Variants in IDH3A observed in about 807,000 individuals in gnomAD.
IDH3A encodes the protein isocitrate dehydrogenase [NAD] subunit alpha, mitochondrial.
In IDH3A, 23 loss-of-function variants were observed where a neutral mutation model predicts 43.3. That is an observed-to-expected ratio of 0.53 (90% CI 0.38 to 0.75). The LOEUF (loss-of-function observed/expected upper bound fraction) is 0.75. IDH3A is among the 30% of genes least tolerant of loss of function. The pLI is 0.00. For synonymous variants in IDH3A, 154 were observed against 163.5 expected (o/e 0.94, Z 0.44); for missense variants, 329 against 474.4 (o/e 0.69, Z 2.85).
intron 2 of IDH3A, chr15:78,156,838 A>G (rs764423499): frequency 5.0e-5 from 61 of 1,208,642 alleles, no homozygotes; most frequent in Non-Finnish European, 6.6e-5. Flanking sequence ...TATAAAAACA[A>G]TAATTGTCAT....
At chr15:78,153,862 TACA>T (rs796987340) in intron 1 of IDH3A, among the ~76,000 whole-genome samples, 45 of 152,112 alleles carry the variant, frequency 3.0e-4, no homozygotes, top group African/African-American at 1.1e-3. Context: ...CTACTAAAAA[TACA>T]ACAAGATTAG....
In IDH3A at chr15:78,161,889, T is replaced by G; in HGVS notation, c.477+121T>G. On this transcript the variant is annotated intron_variant, in intron 5 of 10. Transcript: ENST00000299518. The surrounding 1 kb of genome is among the most constrained non-coding windows in gnomAD (Gnocchi z 4.8). ...TGTGGGTGTTTGTCTTGGTGCTGGG[T>G]GTCTGGCTGACAGTACTCAAACAAA... 1.1e-6 allele frequency: 1 copy of G among 877,428 alleles called. No homozygotes were observed. Among genetic ancestry groups the G allele is most frequent in the Non-Finnish European group, 1.8e-6 (1 of 553,050 alleles). 54.4% of individuals were successfully genotyped at this position (877,428 alleles called of 1,614,324 possible).
At position 78,163,584 on chromosome 15, in the gene IDH3A, T is replaced by A; in HGVS notation, c.689T>A (p.Met230Lys). ...TGTAAAGATATTAAATTTAATGAGA[T>A]GTACCTTGATACAGTATGTTTGAAT... Reference protein sequence around the residue: ...ESCKDIKFNEMYLDTVCLNMV... With the variant: ...ESCKDIKFNEKYLDTVCLNMV... Residue 230 changes from methionine (M) to lysine (K), a missense_variant, in exon 7 of 11, where the codon ATG (methionine) becomes AAG (lysine). Coordinates refer to ENST00000299518, the MANE Select transcript of IDH3A (RefSeq NM_005530.3). The A allele has an allele frequency of 6.2e-7, 1 of 1,609,186 alleles. No individual in the cohort carries two copies. Among genetic ancestry groups the A allele is most frequent in the Middle Eastern group, 1.7e-4 (1 of 6,044 alleles).
intron 8 of IDH3A, among the ~76,000 whole-genome samples, chr15:78,164,469 C>T (rs985858526): frequency 3.3e-5 from 5 of 151,940 alleles, no homozygotes; most frequent in African/African-American, 1.2e-4. Context: ...TCTCCTGCCT[C>T]CCCTGAGTAG....
At chr15:78,160,251 A>G (rs780350695) in intron 4 of IDH3A, 45 bp downstream of exon 4, 5 of 1,147,110 alleles carry the variant, frequency 4.4e-6, no homozygotes, top group Non-Finnish European at 6.6e-6. Flanking sequence ...TTTCCGCTAC[A>G]GGGGTTACTT....
chr15:78,168,312 G>C (rs532408295), intron 10 of IDH3A: 1 of 151,554 alleles, frequency 6.6e-6, no homozygotes, highest in Non-Finnish European at 1.5e-5. Flanking sequence ...TTGTGTCCCA[G>C]CCTCCAAAAA....
At position 78,161,587 on chromosome 15, in the gene IDH3A, T is replaced by C; in HGVS notation, c.296T>C (p.Leu99Ser). ...DKNKMGLKGP[L>S]KTPIAAGHPS... ...GTTTTCTTCTGTATAACAGGCCCTT[T>C]GAAGACCCCAATAGCAGCCGGTCAC... Residue 99 changes from leucine to serine, a missense_variant, in exon 5 of 11, where the codon TTG becomes TCG. By Grantham distance (145) the Leu-to-Ser change is moderately radical (BLOSUM62 -2). Around this residue, in one of 3 missense-constraint regions of IDH3A, gnomAD observed 212 missense variants for 345.5 expected, o/e 0.61. Coordinates refer to ENST00000299518, the MANE Select transcript of IDH3A (RefSeq NM_005530.3). The surrounding 1 kb of genome is among the most constrained non-coding windows in gnomAD (Gnocchi z 4.8). 6.2e-7 allele frequency: 1 copy of C among 1,613,060 alleles called. No homozygotes were observed. Among genetic ancestry groups the C allele is most frequent in the Non-Finnish European group, 8.5e-7 (1 of 1,179,920 alleles).
chr15:78,157,463 G>T, intron 2 of IDH3A, 85 bp from the exon 3 acceptor site: 1 of 920,458 alleles, frequency 1.1e-6, no homozygotes. Context: ...ATCTCATAAA[G>T]TGGATTTCTC....
At chr15:78,162,521 T>C in intron 6 of IDH3A, among the ~76,000 whole-genome samples, 154 bp downstream of exon 6, 1 of 151,126 alleles carries the variant, frequency 6.6e-6, no homozygotes, top group Non-Finnish European at 1.5e-5. Context: ...CTCTCTTCTG[T>C]CGGAGTCTCC....
chr15:78,154,363 C>T (rs779492094), intron 1 of IDH3A: 1 of 152,100 alleles, frequency 6.6e-6, no homozygotes, highest in African/African-American at 2.4e-5. Flanking sequence ...TTCTGTATGG[C>T]ATGGGCATCA....
Position 78,169,746 on chromosome 15 carries a change from G to A in IDH3A, c.*741G>A, listed in dbSNP as rs1440763790. 6.6e-6 allele frequency: 1 copy of A among 152,202 alleles called. No individual in the cohort carries two copies. Among genetic ancestry groups the A allele is most frequent in the African/African-American group, 2.4e-5 (1 of 41,442 alleles). The allele number at this position is 152,202 out of a possible 1,614,324, so 9.4% of individuals were successfully genotyped here. ...TTCCAAGAGCTTTTAATGAAGCAGA[G>A]AGCTAGTACTTCATTTTCACTGGAT... On this transcript the variant is annotated 3_prime_UTR_variant, in exon 11 of 11. Coordinates refer to ENST00000299518, the MANE Select transcript of IDH3A (RefSeq NM_005530.3).
rs762758203 is a variant in IDH3A at position 78,161,319 on chromosome 15, T to A, written c.290-262T>A. On this transcript the variant is annotated intron_variant, in intron 4 of 10. Transcript: ENST00000299518. The surrounding 1 kb of genome is among the most constrained non-coding windows in gnomAD (Gnocchi z 4.8). ...TTTTAAATGACAGTAACAGAGTTGCTGTTGTACGGGGTGATGATAAGGATT... is the reference window on the plus strand; with the variant it reads ...TTTTAAATGACAGTAACAGAGTTGCAGTTGTACGGGGTGATGATAAGGATT... 2.0e-5 allele frequency among the ~76,000 whole-genome samples: 3 copies of A among 152,232 alleles called. No individual in the cohort carries two copies. The highest frequency in any genetic ancestry group is 4.4e-5 in the Non-Finnish European group (3 of 68,040).
chr15:78,161,395 A>C lies in IDH3A; in HGVS notation c.290-186A>C, dbSNP rs2074680175. On this transcript the variant is annotated intron_variant, in intron 4 of 10. Transcript: ENST00000299518. The surrounding 1 kb of genome is among the most constrained non-coding windows in gnomAD (Gnocchi z 4.8). Reference sequence around the variant, plus strand: ...ATGCTTGATCCTCAGGAAGTTCTGAAGATAAGAAACGCAGTTAATGTTCCA... The same window carrying C: ...ATGCTTGATCCTCAGGAAGTTCTGACGATAAGAAACGCAGTTAATGTTCCA... Among the ~76,000 whole-genome samples the C allele has an allele frequency of 6.6e-6, 1 of 152,214 alleles. No individual in the cohort carries two copies. The highest frequency in any genetic ancestry group is 6.5e-5 in the Admixed American group (1 of 15,292).
Position 78,169,076 on chromosome 15 carries a change from A to C in IDH3A, c.*71A>C. The C allele has an allele frequency of 1.1e-6, 1 of 880,204 alleles. No homozygotes were observed. Among genetic ancestry groups the C allele is most frequent in the Non-Finnish European group, 1.8e-6 (1 of 550,280 alleles). 54.5% of individuals were successfully genotyped at this position (880,204 alleles called of 1,614,324 possible). A position where few individuals can be genotyped will look rare whatever the true frequency, so the allele number is the denominator to read the frequency against. ...ACATGAACCTCTGTTTAGAATACCT[A>C]CGTATGTATGCATTGGTTTGCTTGT... On this transcript the variant is annotated 3_prime_UTR_variant, in exon 11 of 11. Transcript: ENST00000299518.
chr15:78,164,269 C>G (rs986234515), intron 8 of IDH3A, among the ~76,000 whole-genome samples: 1 of 151,816 alleles, frequency 6.6e-6, no homozygotes, highest in Non-Finnish European at 1.5e-5. Flanking sequence ...TCCTCTTCCT[C>G]CTCTCCTTTG....
chr15:78,155,150 G>A (rs755774412), intron 1 of IDH3A, 63 bp from the exon 2 acceptor site: 65 of 1,208,116 alleles, frequency 5.4e-5, no homozygotes, highest in African/African-American at 2.6e-4. Context: ...GGACTTCCTC[G>A]CTCTTGTTTA....
intron 9 of IDH3A, 160 bp from the exon 10 acceptor site, chr15:78,165,990 A>T (rs2074737390): frequency 3.0e-6 from 2 of 668,516 alleles, no homozygotes; most frequent in Non-Finnish European, 5.1e-6. Context: ...CGCCCAACCC[A>T]GACTTTATTT....
intron 1 of IDH3A, among the ~76,000 whole-genome samples, chr15:78,153,835 A>G (rs1174257647): frequency 6.6e-6 from 1 of 152,170 alleles, no homozygotes; most frequent in African/African-American, 2.4e-5. Context: ...CCGGGCCAAC[A>G]TGGAGAAACC....
chr15:78,151,041 T>G (rs1358105718), intron 1 of IDH3A: 1 of 152,228 alleles, frequency 6.6e-6, no homozygotes, highest in Non-Finnish European at 1.5e-5. Context: ...TTGCCTTTAG[T>G]GTGATCTGCA....
Sources: allele counts gnomAD v4.1 joint callset (sites outside exome capture counted in the v4.1 genomes callset), GRCh38; gene constraint gnomAD v4.1.1; regional missense constraint gnomAD v4.1.1; non-coding constraint Gnocchi (gnomAD v3.1); transcripts MANE v1.5; gene names NCBI Gene and HGNC (gene_info 2026-07-23, HGNC 2026-07-21).